Variants in BCAS1 observed in about 807,000 individuals in gnomAD.
The protein encoded by BCAS1 is breast carcinoma-amplified sequence 1.
A neutral mutation model predicts 65.4 loss-of-function variants in BCAS1; 46 were observed. That is an observed-to-expected ratio of 0.70 (90% CI 0.55 to 0.90). The LOEUF (loss-of-function observed/expected upper bound fraction) is 0.90. Among genes scored for constraint, BCAS1 ranks in the 40% least tolerant of loss-of-function variants. The pLI is 0.00. For missense variants in BCAS1, 793 were observed against 771.2 expected (o/e 1.03, Z -0.33); for synonymous variants, 298 against 293.5 (o/e 1.02, Z -0.16).
intron 4 of BCAS1, among the ~76,000 whole-genome samples, chr20:54,009,400 T>C (rs1413287680): frequency 1.3e-5 from 2 of 152,102 alleles, no homozygotes; most frequent in African/African-American, 2.4e-5. Context: ...AGGTACAGAT[T>C]ACCAGTATCA....
intron 3 of BCAS1, among the ~76,000 whole-genome samples, chr20:54,055,629 T>C (rs1237947938): frequency 6.6e-6 from 1 of 152,098 alleles, no homozygotes; most frequent in African/African-American, 2.4e-5. Context: ...TCAACTACCA[T>C]ATGATTCAGC....
chr20:53,994,213 TC>T (rs2090841335), intron 6 of BCAS1, among the ~76,000 whole-genome samples: 1 of 152,136 alleles, frequency 6.6e-6, no homozygotes, highest in Admixed American at 6.6e-5. Flanking sequence ...CTTTCCGATA[TC>T]AGAAGAAGGA....
rs191181509 is a variant in BCAS1 at position 54,045,911 on chromosome 20, T to C, written c.142+12174A>G. On this transcript the variant is annotated intron_variant, in intron 3 of 12. Coordinates refer to ENST00000688948, the MANE Select transcript of BCAS1 (RefSeq NM_001366298.2). ...TCTCAGATTTGTCTTTTACAAAGTATAGAACAAAGAGAAAAATATGAAAGA... is the reference window on the plus strand; with the variant it reads ...TCTCAGATTTGTCTTTTACAAAGTACAGAACAAAGAGAAAAATATGAAAGA... Among the ~76,000 whole-genome samples the C allele has an allele frequency of 3.5e-3, 526 of 152,318 alleles. 4 individuals are homozygous for C. The highest frequency in any genetic ancestry group is 8.5e-3 in the Admixed American group (130 of 15,292).
chr20:53,964,608 C>T (rs575706776), intron 10 of BCAS1, among the ~76,000 whole-genome samples: 4 of 152,172 alleles, frequency 2.6e-5, no homozygotes, highest in African/African-American at 7.2e-5. Flanking sequence ...TATCCTATAG[C>T]GAATTGATTC....
Position 54,057,816 on chromosome 20 carries a change from C to T in BCAS1, c.142+269G>A, listed in dbSNP as rs146635838. ...CATATCTACAAGCCAATGAGAGGGG[C>T]GTGGAACACGTTCTCCCTGATGACC... On this transcript the variant is annotated intron_variant, in intron 3 of 12. Transcript: ENST00000688948. Among the ~76,000 whole-genome samples, 953 of 152,212 alleles carry T rather than the reference C, an allele frequency of 6.3e-3. 4 individuals are homozygous for T. Among genetic ancestry groups the T allele is most frequent in the African/African-American group, 0.022 (903 of 41,518 alleles).
At chr20:53,989,165 AAT>A (rs1184079844) in intron 7 of BCAS1, among the ~76,000 whole-genome samples, 1 of 151,880 alleles carries the variant, frequency 6.6e-6, no homozygotes, top group Non-Finnish European at 1.5e-5. Flanking sequence ...TAGGGCAAAA[AAT>A]AGTCTAAAAA....
At chr20:53,964,497 G>A (rs1007488232) in intron 10 of BCAS1, among the ~76,000 whole-genome samples, 6 of 152,096 alleles carry the variant, frequency 3.9e-5, no homozygotes, top group East Asian at 3.8e-4. Flanking sequence ...AGGCCTTTTC[G>A]TGGGCAACTG....
At position 53,985,386 on chromosome 20, in the gene BCAS1, C is replaced by T. The variant is rs2145776677; in HGVS notation, c.1176G>A (p.Gly392=). The T allele has an allele frequency of 6.2e-7, 1 of 1,614,018 alleles. No homozygotes were observed. Among genetic ancestry groups the T allele is most frequent in the Non-Finnish European group, 8.5e-7 (1 of 1,179,960 alleles). The change falls in exon 8 of 13, where the codon GGG becomes GGA. Residue 392 remains glycine, a synonymous_variant. Coordinates refer to ENST00000688948, the MANE Select transcript of BCAS1 (RefSeq NM_001366298.2). ...GKNSKGCNPS[G]HTQSVTTPEP... is the part of the protein sequence containing the mutation. ...CAGGGGTTGTCACGGACTGTGTGTG[C>T]CCCGATGGGTTGCATCCTTTGGAAT...
At chr20:54,014,509 TATAAG>T (rs1568878109) in intron 4 of BCAS1, among the ~76,000 whole-genome samples, 1 of 152,182 alleles carries the variant, frequency 6.6e-6, no homozygotes, top group African/African-American at 2.4e-5. Flanking sequence ...AAAGTGAAAA[TATAAG>T]ATAAGGCTTA....
Position 54,058,693 on chromosome 20 carries a change from T to TG in BCAS1, c.25dup (p.Gln9ProfsTer4). ...TTCATTCTCTTGGTCTTCAACTCTT[T>TG]GGGGAACACTCATTTGGTTACCCAT... On this transcript the variant is annotated frameshift_variant, in exon 2 of 13. Coordinates refer to ENST00000688948, the MANE Select transcript of BCAS1 (RefSeq NM_001366298.2). LOFTEE classifies it high-confidence loss of function. 6.2e-7 allele frequency: 1 copy of TG among 1,612,614 alleles called. No homozygotes were observed. The highest frequency in any genetic ancestry group is 8.5e-7 in the Non-Finnish European group (1 of 1,179,726).
At chr20:54,043,680 T>C (rs565296414) in intron 3 of BCAS1, among the ~76,000 whole-genome samples, 1 of 152,150 alleles carries the variant, frequency 6.6e-6, no homozygotes, top group Admixed American at 6.5e-5. Context: ...CCGGGAGGGG[T>C]TGTGGGAACA....
intron 3 of BCAS1, among the ~76,000 whole-genome samples, chr20:54,032,365 C>A (rs1165015025): frequency 6.6e-6 from 1 of 151,324 alleles, no homozygotes; most frequent in Non-Finnish European, 1.5e-5. Flanking sequence ...CCAGACACTA[C>A]AAAACACACT....
intron 3 of BCAS1, among the ~76,000 whole-genome samples, chr20:54,040,447 A>G (rs1396011434): frequency 6.6e-6 from 1 of 151,228 alleles, no homozygotes; most frequent in Non-Finnish European, 1.5e-5. Context: ...GAAGATTGCC[A>G]AAGGGTGACT....
At chr20:53,990,611 C>T (rs1164287145) in intron 7 of BCAS1, among the ~76,000 whole-genome samples, 1 of 152,008 alleles carries the variant, frequency 6.6e-6, no homozygotes, top group Non-Finnish European at 1.5e-5. Context: ...GAGTATCACA[C>T]CTCCTAAAAT....
chr20:54,035,557 A>G (rs1266171770), intron 3 of BCAS1, among the ~76,000 whole-genome samples: 2 of 151,160 alleles, frequency 1.3e-5, no homozygotes, highest in African/African-American at 4.8e-5. Context: ...TCAAAAAATA[A>G]GATGCTGGTG....
chr20:53,987,406 C>T (rs938117831), intron 7 of BCAS1, among the ~76,000 whole-genome samples: 4 of 152,298 alleles, frequency 2.6e-5, no homozygotes, highest in South Asian at 2.1e-4. Context: ...ACGTCCCAAA[C>T]GCTCTTGAGT....
chr20:54,018,525 A>G (rs1339957160), intron 4 of BCAS1, among the ~76,000 whole-genome samples: 1 of 151,194 alleles, frequency 6.6e-6, no homozygotes, highest in Non-Finnish European at 1.5e-5. Flanking sequence ...TTTAGTAGAG[A>G]CGGGGTTTCA....
chr20:53,972,800 C>T (rs1036261691), intron 9 of BCAS1, among the ~76,000 whole-genome samples: 32 of 152,108 alleles, frequency 2.1e-4, no homozygotes, highest in Non-Finnish European at 7.4e-5. Flanking sequence ...CACAAGAACC[C>T]GAAAGTGTAG....
At chr20:53,973,840 A>G (rs1252819102) in intron 9 of BCAS1, among the ~76,000 whole-genome samples, 3 of 152,194 alleles carry the variant, frequency 2.0e-5, no homozygotes, top group Non-Finnish European at 4.4e-5. Flanking sequence ...AGGGCAGTAA[A>G]ACCAACAAAC....
Sources: gnomAD v4.1 joint callset for allele counts (sites outside exome capture counted in the v4.1 genomes callset) on GRCh38, gnomAD v4.1.1 for gene constraint, MANE v1.5 for transcripts, NCBI Gene and HGNC (gene_info 2026-07-23, HGNC 2026-07-21) for gene names.